The following EPSTI1 variants were observed in gnomAD, a reference collection of about 807,000 sequenced individuals.
EPSTI1 encodes the protein epithelial-stromal interaction protein 1.
Under a neutral mutation model 49.9 loss-of-function variants are expected in EPSTI1, and 66 were observed. The ratio of observed to expected loss-of-function variants is 1.32; its 90% confidence interval spans 1.08 to 1.62. EPSTI1 has a LOEUF of 1.62. Among genes scored for constraint, EPSTI1 ranks in the 40% most tolerant of loss-of-function variants. The pLI is 0.00. For missense variants in EPSTI1, 394 were observed against 365.5 expected (o/e 1.08, Z -0.64); for synonymous variants, 137 against 130.7 (o/e 1.05, Z -0.33).
intron 1 of EPSTI1, among the ~76,000 whole-genome samples, chr13:42,981,777 T>C (rs1193570128): frequency 6.6e-6 from 1 of 152,248 alleles, no homozygotes; most frequent in Non-Finnish European, 1.5e-5. Context: ...AGTGGATTTA[T>C]TTTTAATGAA....
chr13:42,931,764 T>C (rs2038382430), intron 6 of EPSTI1, among the ~76,000 whole-genome samples: 1 of 152,224 alleles, frequency 6.6e-6, no homozygotes, highest in Admixed American at 6.5e-5. Context: ...AATATATATC[T>C]TATTCCTTTT....
At chr13:42,961,253 G>T (rs1031822849) in intron 5 of EPSTI1, among the ~76,000 whole-genome samples, 1 of 152,146 alleles carries the variant, frequency 6.6e-6, no homozygotes, top group African/African-American at 2.4e-5. Flanking sequence ...GTAGGAGCAG[G>T]AGGGGAAATT....
At chr13:42,913,898 C>T (rs1220739395) in intron 8 of EPSTI1, among the ~76,000 whole-genome samples, 2 of 152,202 alleles carry the variant, frequency 1.3e-5, no homozygotes, top group Non-Finnish European at 2.9e-5. Flanking sequence ...CTGCTGTTCT[C>T]ATGACAGTGA....
At chr13:42,945,889 A>G (rs1039717023) in intron 6 of EPSTI1, among the ~76,000 whole-genome samples, 1 of 152,214 alleles carries the variant, frequency 6.6e-6, no homozygotes, top group African/African-American at 2.4e-5. Flanking sequence ...CAGATTTTTC[A>G]TAAGCTGTTC....
chr13:42,917,773 T>C (rs980719237), intron 7 of EPSTI1, 149 bp from the exon 8 acceptor site: 2 of 553,026 alleles, frequency 3.6e-6, no homozygotes, highest in Admixed American at 6.2e-5. Flanking sequence ...ACACACTTGG[T>C]TATTAAGTGA....
intron 7 of EPSTI1, 54 bp from the exon 8 acceptor site, chr13:42,917,678 G>T (rs1218907491): frequency 7.7e-6 from 10 of 1,301,702 alleles, no homozygotes; most frequent in African/African-American, 5.9e-5. Flanking sequence ...TAGGATAAAG[G>T]GTTGTCACAG....
intron 6 of EPSTI1, among the ~76,000 whole-genome samples, chr13:42,926,942 A>G (rs748620308): frequency 2.9e-4 from 44 of 151,288 alleles, no homozygotes; most frequent in Non-Finnish European, 5.8e-4. Context: ...TTTATGGATC[A>G]TGGAGCCCTT....
chr13:42,904,779 G>A lies in EPSTI1; in HGVS notation c.742-4396C>T, dbSNP rs187209671. 2.5e-3 allele frequency among the ~76,000 whole-genome samples: 379 copies of A among 152,242 alleles called. 3 individuals carry two copies. The highest frequency in any genetic ancestry group is 8.1e-3 in the African/African-American group (338 of 41,540). ...AGTGATAAAAGATAGGTTCAGAGCC[G>A]TTTTCTTAGGACGCTTCTATATAAA... On this transcript the variant is annotated intron_variant, in intron 8 of 10. Transcript: ENST00000313624.
intron 1 of EPSTI1, among the ~76,000 whole-genome samples, chr13:42,980,473 C>A (rs1179131444): frequency 6.6e-6 from 1 of 152,182 alleles, no homozygotes; most frequent in African/African-American, 2.4e-5. Context: ...GGAGCAAAGG[C>A]ACATCTTACA....
chr13:42,927,134 T>TCTAA (rs1335023259), intron 6 of EPSTI1, among the ~76,000 whole-genome samples: 1 of 152,150 alleles, frequency 6.6e-6, no homozygotes, highest in Non-Finnish European at 1.5e-5. Flanking sequence ...ATATCTCTTT[T>TCTAA]TAGCTCTGAA....
rs75306830 is a variant in EPSTI1 at position 42,922,002 on chromosome 13, C to T, written c.657+4334G>A. Among the ~76,000 whole-genome samples, 182 of 152,198 alleles carry T rather than the reference C, an allele frequency of 1.2e-3. 1 individual carries two copies. The highest frequency in any genetic ancestry group is 4.2e-3 in the South Asian group (20 of 4,818). On this transcript the variant is annotated intron_variant, in intron 7 of 10. Transcript: ENST00000313624. This position sits in a 1 kb window ranked among gnomAD's most constrained non-coding sequence, Gnocchi z 4.8. Reference sequence around the variant, plus strand: ...AAATGTTCAAAGGAAACTAAGAAAACGCTAAAATAAAATGTTTAAAGAGTT... The same window carrying T: ...AAATGTTCAAAGGAAACTAAGAAAATGCTAAAATAAAATGTTTAAAGAGTT...
chr13:42,903,804 G>A (rs1470723955), intron 8 of EPSTI1, among the ~76,000 whole-genome samples: 5 of 152,108 alleles, frequency 3.3e-5, no homozygotes, highest in African/African-American at 1.2e-4. Context: ...TTTCAAAGGT[G>A]GCACAGGTGA....
intron 8 of EPSTI1, among the ~76,000 whole-genome samples, chr13:42,917,315 C>T (rs1413232082): frequency 2.0e-5 from 3 of 152,128 alleles, no homozygotes; most frequent in African/African-American, 7.2e-5. Flanking sequence ...CCAACTACAG[C>T]AGATCCACTG....
At chr13:42,914,475 G>C (rs1811650037) in intron 8 of EPSTI1, among the ~76,000 whole-genome samples, 1 of 152,124 alleles carries the variant, frequency 6.6e-6, no homozygotes, top group Non-Finnish European at 1.5e-5. Flanking sequence ...AGTGGTGTTA[G>C]TGTTACAGAG....
rs573896477 is a variant in EPSTI1, at chr13:42,979,454, T to C, written c.189-8784A>G. ...AAAATTAGCCGGGCGTGGTGGCGGG[T>C]GCCTGTAGTCCCAGCTACTCAGGAG... On this transcript the variant is annotated intron_variant, in intron 1 of 10. Coordinates refer to ENST00000313624, the MANE Select transcript of EPSTI1 (RefSeq NM_033255.5). Among the ~76,000 whole-genome samples the C allele has an allele frequency of 1.3e-3, 198 of 151,404 alleles. 1 individual carries two copies. The highest frequency in any genetic ancestry group is 1.8e-3 in the Non-Finnish European group (125 of 67,776).
At chr13:42,948,656 T>C (rs2038999634) in intron 6 of EPSTI1, among the ~76,000 whole-genome samples, 1 of 151,942 alleles carries the variant, frequency 6.6e-6, no homozygotes, top group Non-Finnish European at 1.5e-5. Context: ...TTTGTATTTT[T>C]TGTAGAGATG....
At chr13:42,991,936 GC>G in intron 1 of EPSTI1, 41 bp downstream of exon 1, 1 of 1,608,676 alleles carries the variant, frequency 6.2e-7, no homozygotes, top group Non-Finnish European at 8.5e-7. Context: ...TATGTTTGGG[GC>G]CCGGGCTCCC....
chr13:42,957,713 T>A (rs1334230122), intron 5 of EPSTI1, among the ~76,000 whole-genome samples: 1 of 152,118 alleles, frequency 6.6e-6, no homozygotes, highest in Non-Finnish European at 1.5e-5. Flanking sequence ...GTAACTGGGA[T>A]TACAGGTACG....
intron 5 of EPSTI1, among the ~76,000 whole-genome samples, chr13:42,957,610 C>T (rs1427009654): frequency 6.6e-6 from 1 of 152,240 alleles, no homozygotes; most frequent in Non-Finnish European, 1.5e-5. Flanking sequence ...AGGTCTTGCT[C>T]TGTCACCCAG....
Sources: allele counts gnomAD v4.1 joint callset (sites outside exome capture counted in the v4.1 genomes callset), GRCh38; gene constraint gnomAD v4.1.1; non-coding constraint Gnocchi (gnomAD v3.1); transcripts MANE v1.5; gene names NCBI Gene and HGNC (gene_info 2026-07-23, HGNC 2026-07-21).